Variants in COL5A1 observed in about 807,000 individuals in gnomAD.
COL5A1 encodes the protein collagen type V alpha 1 chain.
A neutral mutation model predicts 263.7 loss-of-function variants in COL5A1; 16 were observed. That is an observed-to-expected ratio of 0.06 (90% CI 0.04 to 0.09). The LOEUF is 0.09. Ranked by LOEUF, COL5A1 falls within the 10% of genes least tolerant of loss-of-function variation. The pLI is 1.00. For missense variants in COL5A1, 2,036 were observed against 2,540.5 expected (o/e 0.80, Z 4.27); for synonymous variants, 1,012 against 1,004.5 (o/e 1.01, Z -0.14).
rs898344439 is a variant in COL5A1, at chr9:134,696,958, C to T, written c.278-2951C>T. ...TGGTGGCGGGTGCCTGTAGTCCCAG[C>T]TACTCGGGAGGCTGAGGCAGGAGAA... On this transcript the variant is annotated intron_variant, in intron 2 of 65. Coordinates refer to ENST00000371817, the MANE Select transcript of COL5A1 (RefSeq NM_000093.5). This position sits in a 1 kb window ranked among gnomAD's most constrained non-coding sequence, Gnocchi z 4.3. Among the ~76,000 whole-genome samples, 6 of 152,040 alleles carry T rather than the reference C, an allele frequency of 3.9e-5. No homozygotes were observed. Among genetic ancestry groups the T allele is most frequent in the African/African-American group, 1.4e-4 (6 of 41,390 alleles).
At chr9:134,752,424 G>A (rs949630000) in intron 13 of COL5A1, among the ~76,000 whole-genome samples, 165 bp from the exon 14 acceptor site, 6 of 145,634 alleles carry the variant, frequency 4.1e-5, no homozygotes, top group South Asian at 2.2e-4. Context: ...GAAGTCGGGG[G>A]GGGGGGGCCC....
chr9:134,779,884 A>G (rs1007475426), intron 27 of COL5A1, among the ~76,000 whole-genome samples: 3 of 151,878 alleles, frequency 2.0e-5, no homozygotes, highest in Non-Finnish European at 4.4e-5. Flanking sequence ...GGGTCTTTGC[A>G]TGAAGAACAG....
At chr9:134,803,276 T>C (rs779180332) in intron 39 of COL5A1, among the ~76,000 whole-genome samples, 2 of 152,058 alleles carry the variant, frequency 1.3e-5, no homozygotes, top group African/African-American at 2.4e-5. Context: ...CTCCCAGAAA[T>C]GGATAAAAAG....
intron 26 of COL5A1, among the ~76,000 whole-genome samples, chr9:134,773,894 G>T (rs865948060): frequency 6.6e-6 from 1 of 152,168 alleles, no homozygotes; most frequent in East Asian, 1.9e-4. Context: ...CCCTCCCCTC[G>T]GCCCTTGGCT....
chr9:134,828,998 G>A (rs10122735), intron 63 of COL5A1, among the ~76,000 whole-genome samples: 54,457 of 151,564 alleles, frequency 0.36, 10,035 homozygotes, highest in African/African-American at 0.44. Context: ...CCATGCACGC[G>A]CACACACACA....
intron 32 of COL5A1, among the ~76,000 whole-genome samples, chr9:134,790,610 CCATCCAT>C (rs1837656280): frequency 3.0e-5 from 3 of 100,236 alleles, no homozygotes; most frequent in African/African-American, 1.2e-4. Flanking sequence ...ACCCACCCAT[CCATCCAT>C]CCATCCATCC....
At chr9:134,737,920 C>A (rs568150536) in intron 9 of COL5A1, among the ~76,000 whole-genome samples, 1 of 152,144 alleles carries the variant, frequency 6.6e-6, no homozygotes, top group Non-Finnish European at 1.5e-5. Flanking sequence ...GGGTTCTGGG[C>A]TGCTGCGTGC....
chr9:134,701,634 C>T (rs1294259359), intron 4 of COL5A1, among the ~76,000 whole-genome samples: 1 of 152,134 alleles, frequency 6.6e-6, no homozygotes. Flanking sequence ...GGGCCTTTGT[C>T]CAGCCTCGTG....
rs1240723902 is a variant in COL5A1, at chr9:134,682,543, C to T, written c.110-8369C>T. ...TAAAGATGATACTAGAATCCTACCA[C>T]ACTGCCTGGTGGGGTGGGGGAGAGC... is the stretch of plus-strand genomic sequence containing the variant. On this transcript the variant is annotated intron_variant, in intron 1 of 65. Transcript: ENST00000371817. The surrounding 1 kb of genome is among the most constrained non-coding windows in gnomAD (Gnocchi z 5.1). 6.6e-6 allele frequency among the ~76,000 whole-genome samples: 1 copy of T among 152,212 alleles called. No homozygotes were observed. The highest frequency in any genetic ancestry group is 1.5e-5 in the Non-Finnish European group (1 of 68,040).
rs751903199 is a variant in COL5A1, at chr9:134,818,927, A to C, written c.4392+26A>C. 1.1e-5 allele frequency: 17 copies of C among 1,613,170 alleles called. No individual in the cohort carries two copies. Among genetic ancestry groups the C allele is most frequent in the Non-Finnish European group, 1.3e-5 (15 of 1,179,798 alleles). Reference sequence around the variant, plus strand: ...GTGAGTCACATTCCTCATGGTGAGCATAGCGGGTGGGATGACTTCGCCACC... The same window carrying C: ...GTGAGTCACATTCCTCATGGTGAGCCTAGCGGGTGGGATGACTTCGCCACC... On this transcript the variant is annotated intron_variant, in intron 56 of 65. Coordinates refer to ENST00000371817, the MANE Select transcript of COL5A1 (RefSeq NM_000093.5). The surrounding 1 kb of genome is among the most constrained non-coding windows in gnomAD (Gnocchi z 6.0).
In COL5A1 at chr9:134,822,153, G is replaced by T. The variant is rs1164584886; in HGVS notation, c.4608+3G>T. On this transcript the variant is annotated splice_donor_region_variant and intron_variant, in intron 59 of 65. Coordinates refer to ENST00000371817, the MANE Select transcript of COL5A1 (RefSeq NM_000093.5). ...CTCCTGGGCCCCCTGGCCTGCCGGT[G>T]TGTATCTGGGAGGGGCTTGGTCATT... is the stretch of plus-strand genomic sequence containing the variant. The T allele has an allele frequency of 6.3e-7, 1 of 1,582,082 alleles. No individual in the cohort carries two copies. The highest frequency in any genetic ancestry group is 8.6e-7 in the Non-Finnish European group (1 of 1,158,314).
rs1838729952 is a variant in COL5A1 at position 134,815,980 on chromosome 9, G to A, written c.4114G>A (p.Gly1372Arg). The change falls in exon 52 of 66, where the codon GGG becomes AGG. Residue 1372 changes from glycine (G) to arginine (R), a missense_variant. Gly to Arg is a moderately radical substitution (Grantham distance 125, BLOSUM62 -2). Transcript: ENST00000371817. ...TGACAAAGGAGATGATGGTGAACCC[G>A]GGCAGACGGTGAGTCCACAATCTGG... ...PGDKGDDGEPGQTGSPGPTGE... is the reference protein window; with the variant it reads ...PGDKGDDGEPRQTGSPGPTGE... The A allele has an allele frequency of 6.2e-7, 1 of 1,614,072 alleles. No homozygotes were observed. The highest frequency in any genetic ancestry group is 8.5e-7 in the Non-Finnish European group (1 of 1,180,018).
intron 4 of COL5A1, chr9:134,708,773 G>A (rs1283689210): frequency 2.2e-6 from 1 of 462,718 alleles, no homozygotes; most frequent in South Asian, 1.5e-5. Flanking sequence ...CAGCCCGGTG[G>A]CAAACAGCAG....
At position 134,795,223 on chromosome 9, in the gene COL5A1, G is replaced by A. The variant is rs755417905; in HGVS notation, c.2746-39G>A. 1.6e-5 allele frequency: 26 copies of A among 1,613,454 alleles called. 1 individual carries two copies. The highest frequency in any genetic ancestry group is 9.3e-5 in the African/African-American group (7 of 74,988). On this transcript the variant is annotated intron_variant, in intron 33 of 65. Coordinates refer to ENST00000371817, the MANE Select transcript of COL5A1 (RefSeq NM_000093.5). The stretch of plus-strand genomic sequence containing the variant: ...TGGGGGAAGGCAGTGTCTGTGTGTC[G>A]GGACTTGAGCTGACCTTCCTTCTCT...
rs974722408 is a variant in COL5A1 at position 134,652,140 on chromosome 9, C to T, written c.109+9844C>T. On this transcript the variant is annotated intron_variant, in intron 1 of 65. Transcript: ENST00000371817. The surrounding 1 kb of genome is among the most constrained non-coding windows in gnomAD (Gnocchi z 4.4). ...TCGAGGGAAGGGTAGGGAACGATTT[C>T]TGACTGCGATTGTAAGAGCTTTCTA... Among the ~76,000 whole-genome samples the T allele has an allele frequency of 6.6e-5, 10 of 152,118 alleles. No homozygotes were observed. Among genetic ancestry groups the T allele is most frequent in the Non-Finnish European group, 1.0e-4 (7 of 68,022 alleles).
chr9:134,731,554 C>T lies in COL5A1; in HGVS notation c.1223C>T (p.Thr408Met), dbSNP rs758197769. Residue 408 changes from threonine to methionine, a missense_variant, in exon 8 of 66, where the codon ACG becomes ATG. Transcript: ENST00000371817. ...DDLEGEFTEE[T>M]IRNLDENYYD... ...TTGGAGGGGGAGTTCACTGAGGAAA[C>T]GATCCGGAACCTTGACGAGAACTAC... is the stretch of plus-strand genomic sequence containing the variant. The T allele has an allele frequency of 1.6e-5, 26 of 1,614,092 alleles. No individual in the cohort carries two copies. The highest frequency in any genetic ancestry group is 8.9e-5 in the East Asian group (4 of 44,898).
intron 36 of COL5A1, 49 bp downstream of exon 36, chr9:134,796,950 ACCCACCT>A: frequency 3.8e-6 from 1 of 263,404 alleles, no homozygotes; most frequent in Non-Finnish European, 4.9e-6. Flanking sequence ...CCCCTCCAAA[ACCCACCT>A]GTCCCCTCCA....
intron 1 of COL5A1, among the ~76,000 whole-genome samples, chr9:134,643,954 C>G (rs897179750): frequency 6.6e-6 from 1 of 152,190 alleles, no homozygotes; most frequent in Non-Finnish European, 1.5e-5. Flanking sequence ...GTCTTTTTCC[C>G]TCTCTGGTTG....
Position 134,647,496 on chromosome 9 carries a change from C to T in COL5A1, c.109+5200C>T, listed in dbSNP as rs1831513505. Among the ~76,000 whole-genome samples the T allele has an allele frequency of 6.6e-6, 1 of 152,182 alleles. No homozygotes were observed. The highest frequency in any genetic ancestry group is 1.5e-5 in the Non-Finnish European group (1 of 68,042). On this transcript the variant is annotated intron_variant, in intron 1 of 65. Coordinates refer to ENST00000371817, the MANE Select transcript of COL5A1 (RefSeq NM_000093.5). The surrounding 1 kb of genome is among the most constrained non-coding windows in gnomAD (Gnocchi z 5.0). The stretch of plus-strand genomic sequence containing the variant: ...ATGTGTGTTTGAGTGTGCACGCATG[C>T]GCATCCTTGCACATGTACCTGCGTT...
Sources: allele counts gnomAD v4.1 joint callset (sites outside exome capture counted in the v4.1 genomes callset), GRCh38; gene constraint gnomAD v4.1.1; non-coding constraint Gnocchi (gnomAD v3.1); transcripts MANE v1.5; gene names NCBI Gene and HGNC (gene_info 2026-07-23, HGNC 2026-07-21).